The following MBNL1 variants were observed in gnomAD, a reference collection of about 807,000 sequenced individuals.
The protein encoded by MBNL1 is muscleblind like splicing regulator 1, also known as muscleblind-like protein 1.
MBNL1 carries 8 observed loss-of-function variants against 42.2 expected under a neutral mutation model. The observed-to-expected ratio is 0.19, with a 90% CI of 0.11 to 0.34. The LOEUF (loss-of-function observed/expected upper bound fraction) is 0.34, where lower values mean the gene tolerates loss of function less well. Among genes scored for constraint, MBNL1 ranks in the 10% least tolerant of loss-of-function variants. The pLI, the probability that MBNL1 is intolerant of heterozygous loss-of-function variation, is 1.00. For synonymous variants in MBNL1, 169 were observed against 173.9 expected (o/e 0.97, Z 0.22); for missense variants, 309 against 495.3 (o/e 0.62, Z 3.57).
intron 1 of MBNL1, among the ~76,000 whole-genome samples, chr3:152,273,247 A>T (rs1283550782): frequency 6.6e-6 from 1 of 152,224 alleles, no homozygotes; most frequent in Non-Finnish European, 1.5e-5. Context: ...TATGGCATTA[A>T]CTGTCTCTAG....
At chr3:152,440,618 A>G (rs1461308242) in intron 4 of MBNL1, among the ~76,000 whole-genome samples, 1 of 152,214 alleles carries the variant, frequency 6.6e-6, no homozygotes, top group Non-Finnish European at 1.5e-5. Context: ...GCCAAACCAT[A>G]TCACCAACTG....
At chr3:152,250,488 GA>G (rs2034326536) in intron 2 of MBNL1, among the ~76,000 whole-genome samples, 1 of 152,128 alleles carries the variant, frequency 6.6e-6, no homozygotes, top group Admixed American at 6.6e-5. Context: ...AGACTTTGCT[GA>G]AGTTGCTTAT....
chr3:152,385,204 TA>T (rs1264793888), intron 2 of MBNL1, among the ~76,000 whole-genome samples: 2 of 152,014 alleles, frequency 1.3e-5, no homozygotes, highest in Admixed American at 6.6e-5. Context: ...ATATGCCTTT[TA>T]AAAAAATATT....
At chr3:152,244,526 T>C (rs994544144) in intron 2 of MBNL1, 2 of 152,202 alleles carry the variant, frequency 1.3e-5, no homozygotes, top group South Asian at 4.1e-4. Flanking sequence ...CACATTACAG[T>C]GTAGATTAGA....
intron 2 of MBNL1, among the ~76,000 whole-genome samples, chr3:152,258,681 A>G (rs1307867371): frequency 6.6e-6 from 1 of 152,256 alleles, no homozygotes; most frequent in Non-Finnish European, 1.5e-5. Context: ...ACCCCAAAGT[A>G]GACAGTGTTT....
intron 2 of MBNL1, among the ~76,000 whole-genome samples, chr3:152,253,594 C>T (rs1479660480): frequency 6.6e-6 from 1 of 152,050 alleles, no homozygotes; most frequent in Non-Finnish European, 1.5e-5. Flanking sequence ...CTCACTAAAG[C>T]TTATATGTCT....
At chr3:152,375,943 G>A (rs573204591) in intron 2 of MBNL1, among the ~76,000 whole-genome samples, 1 of 152,214 alleles carries the variant, frequency 6.6e-6, no homozygotes, top group South Asian at 2.1e-4. Flanking sequence ...TTAAACAACA[G>A]TATTAACCAG....
At position 152,417,397 on chromosome 3, in the gene MBNL1, A is replaced by G. The variant is rs895102992; in HGVS notation, c.345+2286A>G. ...TACTTACAGATGAGTGTTTGAAGACATGGCATTAACTTGGATCCAACCCAG... is the reference window on the plus strand; with the variant it reads ...TACTTACAGATGAGTGTTTGAAGACGTGGCATTAACTTGGATCCAACCCAG... On this transcript the variant is annotated intron_variant, in intron 3 of 9. Transcript: ENST00000324210. Among the ~76,000 whole-genome samples the G allele has an allele frequency of 2.0e-5, 3 of 152,234 alleles. No homozygotes were observed. In the East Asian group the frequency reaches 5.8e-4, roughly 29 times the overall value.
chr3:152,319,319 A>T lies in MBNL1; in HGVS notation c.174+18952A>T, dbSNP rs2460487. 2.0e-5 allele frequency among the ~76,000 whole-genome samples: 3 copies of T among 152,120 alleles called. No homozygotes were observed. In the East Asian group the frequency reaches 5.8e-4, roughly 29 times the overall value. On this transcript the variant is annotated intron_variant, in intron 2 of 9. Coordinates refer to ENST00000324210, the MANE Select transcript of MBNL1 (RefSeq NM_021038.5). ...GCTGATTTAGTGTGTTAGAATTGCC[A>T]TCAGAAGAGTCCTTAGAAATGATGT...
intron 2 of MBNL1, among the ~76,000 whole-genome samples, chr3:152,352,973 A>G (rs1000889159): frequency 1.3e-5 from 2 of 152,258 alleles, no homozygotes; most frequent in African/African-American, 2.4e-5. Context: ...GAACTTGTTT[A>G]AGTCTATTTT....
At chr3:152,351,406 A>G (rs1267013620) in intron 2 of MBNL1, among the ~76,000 whole-genome samples, 2 of 152,184 alleles carry the variant, frequency 1.3e-5, no homozygotes, top group Non-Finnish European at 2.9e-5. Context: ...ACTCTAAGCA[A>G]AAGTTAACTA....
intron 2 of MBNL1, among the ~76,000 whole-genome samples, chr3:152,345,899 A>T (rs923980337): frequency 6.6e-6 from 1 of 152,152 alleles, no homozygotes; most frequent in African/African-American, 2.4e-5. Context: ...TTGAGGATCA[A>T]ATAAGTTAAT....
At chr3:152,321,533 A>G (rs2681437) in intron 2 of MBNL1, among the ~76,000 whole-genome samples, 7,598 of 152,122 alleles carry the variant, frequency 0.05, 269 homozygotes, top group South Asian at 0.093. Flanking sequence ...GCCATGAAGC[A>G]ATACTTAATG....
In MBNL1 at chr3:152,258,190, T is replaced by TA. The variant is rs535939812; in HGVS notation, n.333+13756dup. ...TGAAGCTTAACAAGAGCTTATTTTTTAAAAAACATATTCTGTATTTTAAAA... is the reference window on the plus strand; with the variant it reads ...TGAAGCTTAACAAGAGCTTATTTTTTAAAAAAACATATTCTGTATTTTAAAA... On this transcript the variant is annotated intron_variant and non_coding_transcript_variant, in intron 2 of 2. Transcript: ENST00000477171. Among the ~76,000 whole-genome samples the TA allele has an allele frequency of 1.4e-3, 214 of 152,306 alleles. 1 individual carries two copies. The highest frequency in any genetic ancestry group is 5.0e-3 in the African/African-American group (209 of 41,570).
intron 8 of MBNL1, chr3:152,458,407 C>T (rs1738090942): frequency 1.8e-6 from 1 of 548,662 alleles, no homozygotes. Context: ...TCATTATTCT[C>T]CCAACAACAT....
intron 2 of MBNL1, among the ~76,000 whole-genome samples, chr3:152,341,920 A>T (rs1043097148): frequency 6.6e-6 from 1 of 152,240 alleles, no homozygotes; most frequent in Admixed American, 6.5e-5. Context: ...TCACTGAATC[A>T]GAATTATTCA....
intron 3 of MBNL1, among the ~76,000 whole-genome samples, chr3:152,419,848 G>A (rs543650362): frequency 2.7e-3 from 415 of 152,254 alleles, no homozygotes; most frequent in Middle Eastern, 0.01. Flanking sequence ...AGCCCAACAA[G>A]CTAAGATCCT....
At chr3:152,307,521 C>T (rs1266225546) in intron 2 of MBNL1, among the ~76,000 whole-genome samples, 2 of 152,052 alleles carry the variant, frequency 1.3e-5, no homozygotes, top group Non-Finnish European at 2.9e-5. Flanking sequence ...GTTTTCAGTG[C>T]TTTTCATTTT....
chr3:152,401,249 A>C (rs2098204031), intron 2 of MBNL1, among the ~76,000 whole-genome samples: 1 of 152,232 alleles, frequency 6.6e-6, no homozygotes, highest in Non-Finnish European at 1.5e-5. Context: ...ACAGACTTGT[A>C]GAAATTATCT....
Sources: allele counts gnomAD v4.1 joint callset (sites outside exome capture counted in the v4.1 genomes callset), GRCh38; gene constraint gnomAD v4.1.1; transcripts MANE v1.5; gene names NCBI Gene and HGNC (gene_info 2026-07-23, HGNC 2026-07-21).